The following NKAIN2 variants were observed in gnomAD, a reference collection of about 807,000 sequenced individuals.
NKAIN2 encodes the protein sodium/potassium transporting ATPase interacting 2.
In NKAIN2, 14 loss-of-function variants were observed where a neutral mutation model predicts 32.6. The observed-to-expected ratio is 0.43, with a 90% CI of 0.28 to 0.67. The LOEUF is 0.67. NKAIN2 is among the 30% of genes least tolerant of loss of function. The pLI, the probability that NKAIN2 is intolerant of heterozygous loss-of-function variation, is 0.17. For missense variants in NKAIN2, 198 were observed against 258.3 expected (o/e 0.77, Z 1.60); for synonymous variants, 80 against 87.2 (o/e 0.92, Z 0.46).
At chr6:123,945,888 G>T (rs1777040005) in intron 1 of NKAIN2, among the ~76,000 whole-genome samples, 2 of 152,142 alleles carry the variant, frequency 1.3e-5, no homozygotes, top group Admixed American at 6.6e-5. Context: ...CACTATGGAT[G>T]ACTGAGCCTT....
At chr6:124,818,921 G>A (rs1037489587) in intron 6 of NKAIN2, among the ~76,000 whole-genome samples, 3 of 152,016 alleles carry the variant, frequency 2.0e-5, no homozygotes, top group African/African-American at 7.2e-5. Context: ...GTTATATGTA[G>A]TGTTAAGAAA....
intron 1 of NKAIN2, among the ~76,000 whole-genome samples, chr6:124,278,767 G>A (rs950145474): frequency 6.7e-6 from 1 of 148,570 alleles, no homozygotes; most frequent in East Asian, 2.0e-4. Flanking sequence ...TAATATTTGG[G>A]ATTTAGCAAC....
chr6:124,776,651 A>G (rs1339436871), intron 4 of NKAIN2, among the ~76,000 whole-genome samples: 1 of 152,166 alleles, frequency 6.6e-6, no homozygotes, highest in Non-Finnish European at 1.5e-5. Flanking sequence ...GTATTCATCC[A>G]CACTTCCACT....
chr6:124,022,272 A>G (rs1405386427), intron 1 of NKAIN2, among the ~76,000 whole-genome samples: 3 of 151,898 alleles, frequency 2.0e-5, no homozygotes, highest in Non-Finnish European at 4.4e-5. Flanking sequence ...TATGTGCCAC[A>G]TTTTCTTAAT....
rs1369275187 is a variant in NKAIN2 at position 123,930,455 on chromosome 6, A to C, written c.54+126201A>C. On this transcript the variant is annotated intron_variant, in intron 1 of 6. Transcript: ENST00000368417. ...TGATTATACTGCATATGGAGTTATT[A>C]GTCCTGACTCTGCTCCTGTAATCTA... is the stretch of plus-strand genomic sequence containing the variant. 2.0e-5 allele frequency among the ~76,000 whole-genome samples: 3 copies of C among 152,186 alleles called. No homozygotes were observed. In the East Asian group the frequency reaches 5.8e-4, roughly 29 times the overall value.
intron 3 of NKAIN2, among the ~76,000 whole-genome samples, chr6:124,611,367 T>C (rs1339973618): frequency 6.6e-6 from 1 of 152,156 alleles, no homozygotes; most frequent in East Asian, 1.9e-4. Flanking sequence ...TGTTTGTTTG[T>C]TTGTTTATAT....
intron 1 of NKAIN2, among the ~76,000 whole-genome samples, chr6:124,281,172 T>C (rs958293813): frequency 2.0e-5 from 3 of 152,214 alleles, no homozygotes; most frequent in South Asian, 4.1e-4. Flanking sequence ...ACAGTTATGA[T>C]GCTCCAAATT....
At chr6:124,405,675 C>T (rs577449116) in intron 3 of NKAIN2, among the ~76,000 whole-genome samples, 4 of 151,864 alleles carry the variant, frequency 2.6e-5, no homozygotes, top group South Asian at 2.1e-4. Context: ...CCACCGCACC[C>T]GGCAAAACCT....
chr6:124,332,019 A>C (rs1001044549), intron 2 of NKAIN2, among the ~76,000 whole-genome samples: 5 of 152,162 alleles, frequency 3.3e-5, no homozygotes, highest in Non-Finnish European at 7.4e-5. Context: ...GATTTAAAAA[A>C]CTAAACAATC....
intron 5 of NKAIN2, among the ~76,000 whole-genome samples, chr6:124,796,899 T>A (rs1780022405): frequency 6.6e-6 from 1 of 152,194 alleles, no homozygotes; most frequent in Non-Finnish European, 1.5e-5. Flanking sequence ...GCTTTCCTTA[T>A]GGCCTCCCGT....
chr6:123,968,322 G>A (rs1562283070), intron 1 of NKAIN2, among the ~76,000 whole-genome samples: 1 of 152,214 alleles, frequency 6.6e-6, no homozygotes, highest in Admixed American at 6.5e-5. Context: ...TAGGAGCCAC[G>A]GGTGCTATTA....
At chr6:124,417,200 A>C (rs541744839) in intron 3 of NKAIN2, among the ~76,000 whole-genome samples, 1 of 152,364 alleles carries the variant, frequency 6.6e-6, no homozygotes, top group Non-Finnish European at 1.5e-5. Context: ...AAGTGCTTTA[A>C]CAAGCAATTA....
intron 4 of NKAIN2, among the ~76,000 whole-genome samples, chr6:124,665,124 A>G (rs1772727016): frequency 6.6e-6 from 1 of 152,208 alleles, no homozygotes; most frequent in Non-Finnish European, 1.5e-5. Flanking sequence ...ATGTTTATTA[A>G]AAATCTGAAT....
rs777466801 is a variant in NKAIN2, at chr6:123,849,949, G to GTTTTTTTTTTTTTTTT, written c.54+45707_54+45708insTTTTTTTTTTTTTTTT. Reference sequence around the variant, plus strand: ...TGGTTTCACTCTGTAACTCAGGCTGGTTTTTTTTTTTTGTTTGTTTGTTTT... The same window carrying GTTTTTTTTTTTTTTTT: ...TGGTTTCACTCTGTAACTCAGGCTGGTTTTTTTTTTTTTTTTTTTTTTTTTTTTGTTTGTTTGTTTT... On this transcript the variant is annotated intron_variant, in intron 1 of 6. Coordinates refer to ENST00000368417, the MANE Select transcript of NKAIN2 (RefSeq NM_001040214.3). Among the ~76,000 whole-genome samples the GTTTTTTTTTTTTTTTT allele has an allele frequency of 1.3e-3, 51 of 38,714 alleles. 4 individuals are homozygous for GTTTTTTTTTTTTTTTT. Among genetic ancestry groups the GTTTTTTTTTTTTTTTT allele is most frequent in the African/African-American group, 2.1e-3 (51 of 24,346 alleles). 25.4% of individuals were successfully genotyped at this position (38,714 alleles called of 152,430 possible). A position where few individuals can be genotyped will look rare whatever the true frequency, so the allele number is the denominator to read the frequency against.
intron 1 of NKAIN2, among the ~76,000 whole-genome samples, chr6:124,270,663 G>T (rs906491475): frequency 1.4e-4 from 22 of 152,184 alleles, no homozygotes; most frequent in Non-Finnish European, 2.4e-4. Context: ...AGATGCTGCT[G>T]ATGATAAACC....
In NKAIN2 at chr6:124,236,849, A is replaced by G. The variant is rs146289226; in HGVS notation, c.55-46156A>G. ...TAAACAATAGGAAGACACTAAAGGT[A>G]TTGGAAAAGATTAATAAGATGTTAA... On this transcript the variant is annotated intron_variant, in intron 1 of 6. Coordinates refer to ENST00000368417, the MANE Select transcript of NKAIN2 (RefSeq NM_001040214.3). Among the ~76,000 whole-genome samples the G allele has an allele frequency of 2.7e-3, 405 of 152,288 alleles. 2 individuals are homozygous for G. The highest frequency in any genetic ancestry group is 9.5e-3 in the African/African-American group (393 of 41,582).
chr6:123,980,990 C>A lies in NKAIN2; in HGVS notation c.54+176736C>A, dbSNP rs1186885524. Among the ~76,000 whole-genome samples, 3 of 152,112 alleles carry A rather than the reference C, an allele frequency of 2.0e-5. No individual in the cohort carries two copies. In the South Asian group the frequency reaches 6.2e-4, roughly 32 times the overall value. On this transcript the variant is annotated intron_variant, in intron 1 of 6. Transcript: ENST00000368417. ...GTTCAAGCTATTCCCCTGCCTCAGC[C>A]TCCCGAGTAGGTAGGACTACAGGCA...
chr6:124,728,670 A>G (rs1310698854), intron 4 of NKAIN2, among the ~76,000 whole-genome samples: 1 of 131,828 alleles, frequency 7.6e-6, no homozygotes, highest in Admixed American at 8.0e-5. Flanking sequence ...GAGCAAACAC[A>G]TTCAAAAGCT....
Position 123,976,340 on chromosome 6 carries a change from TATG to T in NKAIN2, c.54+172087_54+172089del, listed in dbSNP as rs1562287501. ...ATATATATATGTTCCCATATATATATATGTTCCCATATATATATATATATATAT... is the reference window on the plus strand; with the variant it reads ...ATATATATATGTTCCCATATATATATTTCCCATATATATATATATATATAT... On this transcript the variant is annotated intron_variant, in intron 1 of 6. Coordinates refer to ENST00000368417, the MANE Select transcript of NKAIN2 (RefSeq NM_001040214.3). Among the ~76,000 whole-genome samples the T allele has an allele frequency of 4.5e-4, 11 of 24,424 alleles. 2 individuals carry two copies. The highest frequency in any genetic ancestry group is 1.5e-3 in the African/African-American group (9 of 6,102). The allele number at this position is 24,424 out of a possible 152,430, so 16.0% of individuals were successfully genotyped here.
Sources: gnomAD v4.1 joint callset for allele counts (sites outside exome capture counted in the v4.1 genomes callset) on GRCh38, gnomAD v4.1.1 for gene constraint, MANE v1.5 for transcripts, NCBI Gene and HGNC (gene_info 2026-07-23, HGNC 2026-07-21) for gene names.